Variants in SLC12A6 observed in about 807,000 individuals in gnomAD.
SLC12A6 encodes solute carrier family 12 member 6, also known as K-Cl cotransporter 3.
A neutral mutation model predicts 135.3 loss-of-function variants in SLC12A6; 66 were observed. That is an observed-to-expected ratio of 0.49 (90% confidence interval 0.40 to 0.60). SLC12A6 has a LOEUF of 0.60. Among genes scored for constraint, SLC12A6 ranks in the 20% least tolerant of loss-of-function variants. SLC12A6 has a pLI of 0.00. For synonymous variants in SLC12A6, 513 were observed against 508.8 expected (o/e 1.01, Z -0.11); for missense variants, 1,058 against 1,452.3 (o/e 0.73, Z 4.41).
chr15:34,311,569 T>A (rs1431333265), intron 2 of SLC12A6, among the ~76,000 whole-genome samples: 15 of 152,240 alleles, frequency 9.9e-5, no homozygotes, highest in African/African-American at 3.6e-4. Flanking sequence ...CATCATGGTA[T>A]AGTGGAGAGC....
At chr15:34,252,143 A>T (rs1220116148) in intron 10 of SLC12A6, 27 bp downstream of exon 10, 4 of 1,230,144 alleles carry the variant, frequency 3.3e-6, no homozygotes, top group Middle Eastern at 3.8e-4. Context: ...AATAGGAAAA[A>T]ACTTGTCCAA....
intron 24 of SLC12A6, 133 bp from the exon 25 acceptor site, chr15:34,235,447 T>G: frequency 1.4e-5 from 11 of 782,648 alleles, no homozygotes; most frequent in Non-Finnish European, 1.8e-5. Flanking sequence ...TTTTTTTTTT[T>G]TTTTGAGAGG....
intron 17 of SLC12A6, 107 bp from the exon 18 acceptor site, chr15:34,241,444 A>C: frequency 1.5e-6 from 1 of 684,282 alleles, no homozygotes; most frequent in Non-Finnish European, 2.6e-6. Flanking sequence ...GCAAGGTAGA[A>C]GATTAAAGCT....
chr15:34,306,300 C>T (rs1896608379), intron 2 of SLC12A6, among the ~76,000 whole-genome samples: 1 of 152,166 alleles, frequency 6.6e-6, no homozygotes, highest in South Asian at 2.1e-4. Flanking sequence ...TTGTGGAGGC[C>T]CAGGAGGAAG....
In SLC12A6 at chr15:34,233,933, C is replaced by T. The variant is rs758754831; in HGVS notation, c.3401G>A (p.Arg1134Gln). The T allele has an allele frequency of 4.4e-6, 7 of 1,607,044 alleles. No individual in the cohort carries two copies. Among genetic ancestry groups the T allele is most frequent in the Non-Finnish European group, 6.0e-6 (7 of 1,173,626 alleles). ...GCCACCACCCCGGACAAGTAGGACT[C>T]GCTCTAGTCCCTCGGTAAGCACCTC... is the stretch of plus-strand genomic sequence containing the variant. Reference protein sequence around the residue: ...FLEVLTEGLERVLLVRGGGSE... With the variant: ...FLEVLTEGLEQVLLVRGGGSE... Residue 1134 changes from arginine (R) to glutamine (Q), a missense_variant, in exon 26 of 26, where the codon CGA becomes CAA. Around this residue, in one of 6 missense-constraint regions of SLC12A6, gnomAD observed 245 missense variants for 440.8 expected, o/e 0.56. Coordinates refer to ENST00000354181, the MANE Select transcript of SLC12A6 (RefSeq NM_001365088.1).
At chr15:34,248,806 G>A (rs937965206) in intron 13 of SLC12A6, among the ~76,000 whole-genome samples, 5 of 152,128 alleles carry the variant, frequency 3.3e-5, no homozygotes, top group African/African-American at 1.2e-4. Flanking sequence ...CTCTGTTTGG[G>A]TGAGTATGGG....
rs1566794201 is a variant in SLC12A6, at chr15:34,231,584, C to CTTTTTTTTTTTTTTTTT, written c.*2296_*2297insAAAAAAAAAAAAAAAAA. 7.1e-6 allele frequency: 1 copy of CTTTTTTTTTTTTTTTTT among 141,490 alleles called. No homozygotes were observed. Among genetic ancestry groups the CTTTTTTTTTTTTTTTTT allele is most frequent in the African/African-American group, 2.6e-5 (1 of 37,944 alleles). The allele number at this position is 141,490 out of a possible 1,614,324, so 8.8% of individuals were successfully genotyped here. ...CAAATCAAAATTACTCAATTTCTTT[C>CTTTTTTTTTTTTTTTTT]TTTCTTTCTTTTTTTTTTTTTTTGA... On this transcript the variant is annotated 3_prime_UTR_variant, in exon 26 of 26. Coordinates refer to ENST00000354181, the MANE Select transcript of SLC12A6 (RefSeq NM_001365088.1).
rs546941238 is a variant in SLC12A6, at chr15:34,315,266, T to G, written c.271+21144A>C. Among the ~76,000 whole-genome samples the G allele has an allele frequency of 6.4e-4, 98 of 152,290 alleles. 1 individual carries two copies. The Middle Eastern group carries it at 0.031, about 48-fold the overall frequency. On this transcript the variant is annotated intron_variant, in intron 2 of 25. Transcript: ENST00000354181. ...AAAAGAGTCAATTCATGCAGTAAAC[T>G]TCATTGTTGTTCTATTTTAAGAAAT...
rs760340904 is a variant in SLC12A6 at position 34,336,482 on chromosome 15, TG to T, written c.198del (p.Thr67ProfsTer26). On this transcript the variant is annotated frameshift_variant, in exon 2 of 26. Coordinates refer to ENST00000354181, the MANE Select transcript of SLC12A6 (RefSeq NM_001365088.1). LOFTEE classifies it high-confidence loss of function. ...RSEPMSEMSG[A>X]TTSLATVALD... is the part of the protein sequence containing the mutation. ...AGTGCAACAGTTGCCAGCGAAGTGGTGGCCCCAGACATCTCACTCATAGGCT... is the reference window on the plus strand; with the variant it reads ...AGTGCAACAGTTGCCAGCGAAGTGGTGCCCCAGACATCTCACTCATAGGCT... 6.2e-7 allele frequency: 1 copy of T among 1,613,720 alleles called. No homozygotes were observed. Among genetic ancestry groups the T allele is most frequent in the South Asian group, 1.1e-5 (1 of 91,064 alleles).
intron 13 of SLC12A6, among the ~76,000 whole-genome samples, chr15:34,246,829 TC>T (rs1892024625): frequency 6.6e-6 from 1 of 152,174 alleles, no homozygotes; most frequent in Non-Finnish European, 1.5e-5. Flanking sequence ...TACAAAAGTT[TC>T]TGTAGAGACA....
intron 14 of SLC12A6, 25 bp downstream of exon 14, chr15:34,245,668 G>T: frequency 6.3e-7 from 1 of 1,585,782 alleles, no homozygotes. Flanking sequence ...AAAAAAAGAA[G>T]AGGGCATAAT....
In SLC12A6 at chr15:34,257,722, G is replaced by A. The variant is rs772662306; in HGVS notation, c.610C>T (p.Leu204Phe). 4.3e-6 allele frequency: 7 copies of A among 1,610,198 alleles called. No homozygotes were observed. Among genetic ancestry groups the A allele is most frequent in the Non-Finnish European group, 8.5e-7 (1 of 1,176,622 alleles). ...PCLQNIFGVI[L>F]FLRLTWVVGT... ...ACCACCCATGTAAGGCGTAAAAAAA[G>A]GATCACTCCAAAAATATTTTGTAGA... is the stretch of plus-strand genomic sequence containing the variant. Residue 204 changes from leucine to phenylalanine, a missense_variant, in exon 6 of 26, where the codon CTT becomes TTT. Transcript: ENST00000354181.
rs1225780283 is a variant in SLC12A6, at chr15:34,323,771, C to T, written c.271+12639G>A. 3.3e-5 allele frequency among the ~76,000 whole-genome samples: 5 copies of T among 151,922 alleles called. No homozygotes were observed. The South Asian group carries it at 6.2e-4, about 19-fold the overall frequency. ...TTTGAGACTAGCCTGGGCAACATGG[C>T]GAAACCCTTTCTCTACCAAAATTCA... On this transcript the variant is annotated intron_variant, in intron 2 of 25. Coordinates refer to ENST00000354181, the MANE Select transcript of SLC12A6 (RefSeq NM_001365088.1).
At chr15:34,297,196 AACAGTATCTAACAAGATTAG>A (rs1282416714) in intron 2 of SLC12A6, among the ~76,000 whole-genome samples, 1 of 152,222 alleles carries the variant, frequency 6.6e-6, no homozygotes, top group Non-Finnish European at 1.5e-5. Context: ...TAAGCTTGGC[AACAGTATCTAACAAGATTAG>A]CTGCTTTATT....
chr15:34,335,492 AT>A (rs1365926362), intron 2 of SLC12A6, among the ~76,000 whole-genome samples: 12 of 152,230 alleles, frequency 7.9e-5, no homozygotes, highest in African/African-American at 2.7e-4. Context: ...TTTAAGGGAA[AT>A]TTTTATCATT....
At chr15:34,260,713 T>C (rs1893059676) in intron 4 of SLC12A6, among the ~76,000 whole-genome samples, 1 of 152,194 alleles carries the variant, frequency 6.6e-6, no homozygotes, top group Non-Finnish European at 1.5e-5. Context: ...GAAGTCAAAC[T>C]CCTCTTCCTT....
chr15:34,282,267 G>A (rs1309187673), intron 2 of SLC12A6, among the ~76,000 whole-genome samples: 3 of 152,186 alleles, frequency 2.0e-5, no homozygotes, highest in African/African-American at 7.2e-5. Flanking sequence ...GCTCTAAAGT[G>A]TAATTTCTCA....
At chr15:34,334,187 G>A (rs1222873900) in intron 2 of SLC12A6, among the ~76,000 whole-genome samples, 4 of 152,088 alleles carry the variant, frequency 2.6e-5, no homozygotes, top group East Asian at 3.8e-4. Flanking sequence ...AGGAAGAAAC[G>A]TGGGAGGCAT....
rs912102459 is a variant in SLC12A6 at position 34,281,577 on chromosome 15, C to G, written c.272-6188G>C. Among the ~76,000 whole-genome samples the G allele has an allele frequency of 2.0e-5, 3 of 152,174 alleles. 1 individual carries two copies. The highest frequency in any genetic ancestry group is 2.0e-4 in the Admixed American group (3 of 15,284). Reference sequence around the variant, plus strand: ...GGCCGAGGCGAGTGGATCACGAGGTCAGGAGATTGAGACCATCCTGGCCAA... The same window carrying G: ...GGCCGAGGCGAGTGGATCACGAGGTGAGGAGATTGAGACCATCCTGGCCAA... On this transcript the variant is annotated intron_variant, in intron 2 of 25. Coordinates refer to ENST00000354181, the MANE Select transcript of SLC12A6 (RefSeq NM_001365088.1).
Sources: allele counts gnomAD v4.1 joint callset (sites outside exome capture counted in the v4.1 genomes callset), GRCh38; gene constraint gnomAD v4.1.1; regional missense constraint gnomAD v4.1.1; transcripts MANE v1.5; gene names NCBI Gene and HGNC (gene_info 2026-07-23, HGNC 2026-07-21).